The following ATG2B variants were observed in gnomAD, a reference collection of about 807,000 sequenced individuals.
ATG2B encodes the protein autophagy related 2B.
In ATG2B, 121 loss-of-function variants were observed where a neutral mutation model predicts 241.3. That is an observed-to-expected ratio of 0.50 (90% CI 0.43 to 0.58). ATG2B has a LOEUF of 0.58. Ranked by LOEUF, ATG2B falls within the 20% of genes least tolerant of loss-of-function variation. The pLI is 0.00. For missense variants in ATG2B, 2,306 were observed against 2,491.6 expected, an observed-to-expected ratio of 0.93 and a Z score of 1.59; for synonymous variants, 858 against 876.6, an observed-to-expected ratio of 0.98 and a Z score of 0.37.
intron 34 of ATG2B, among the ~76,000 whole-genome samples, chr14:96,297,290 C>G (rs1487355310): frequency 6.7e-6 from 1 of 149,354 alleles, no homozygotes; most frequent in Non-Finnish European, 1.5e-5. Context: ...TCAATTTCCT[C>G]TTTAAAAAAA....
chr14:96,306,588 T>TA (rs140690422), intron 30 of ATG2B, 126 bp downstream of exon 30: 7,618 of 644,406 alleles, frequency 0.012, no homozygotes, highest in South Asian at 0.016. Context: ...AATAGTATAT[T>TA]AAAAAAAAAA....
At chr14:96,349,077 C>T (rs974377114) in intron 1 of ATG2B, among the ~76,000 whole-genome samples, 9 of 152,076 alleles carry the variant, frequency 5.9e-5, no homozygotes, top group Non-Finnish European at 1.2e-4. Context: ...TAGAACCTAA[C>T]CTGCAGATTC....
At chr14:96,312,861 T>C (rs541310206) in intron 25 of ATG2B, among the ~76,000 whole-genome samples, 41 of 152,342 alleles carry the variant, frequency 2.7e-4, no homozygotes, top group Non-Finnish European at 4.7e-4. Flanking sequence ...AATTAATTTC[T>C]TCCCTAAAAA....
intron 32 of ATG2B, 143 bp from the exon 33 acceptor site, chr14:96,303,398 C>T (rs1886849706): frequency 3.4e-6 from 2 of 581,106 alleles, no homozygotes; most frequent in Non-Finnish European, 5.5e-6. Flanking sequence ...AAAAACTCAA[C>T]AACATGACAT....
rs1259202047 is a variant in ATG2B at position 96,289,002 on chromosome 14, AC to A, written c.6006+653del. Among the ~76,000 whole-genome samples, 1 of 152,184 alleles carries A rather than the reference AC, an allele frequency of 6.6e-6. No individual in the cohort carries two copies. Among genetic ancestry groups the A allele is most frequent in the Non-Finnish European group, 1.5e-5 (1 of 68,034 alleles). On this transcript the variant is annotated intron_variant, in intron 41 of 41. Transcript: ENST00000359933. This position sits in a 1 kb window ranked among gnomAD's most constrained non-coding sequence, Gnocchi z 4.3. ...GGGGAAAAATGGAAACTGAATGTCC[AC>A]CAACAGGAAAATAAATAAATTATGA...
At position 96,308,460 on chromosome 14, in the gene ATG2B, CTTTTT is replaced by C. The variant is rs573746586; in HGVS notation, c.4303+988_4303+992del. 4.9e-3 allele frequency among the ~76,000 whole-genome samples: 564 copies of C among 115,610 alleles called. 23 individuals are homozygous for C. The South Asian group carries it at 0.077, about 16-fold the overall frequency. The allele number at this position is 115,610 out of a possible 152,430, so 75.8% of individuals were successfully genotyped here. ...GCCTGCCAACACATCCCACATCTAG[CTTTTT>C]TTTTTTTTTTTTTTAATTGGAGAGA... On this transcript the variant is annotated intron_variant, in intron 29 of 41. Coordinates refer to ENST00000359933, the MANE Select transcript of ATG2B (RefSeq NM_018036.7).
At chr14:96,301,481 C>T (rs990408771) in intron 34 of ATG2B, among the ~76,000 whole-genome samples, 2 of 152,180 alleles carry the variant, frequency 1.3e-5, no homozygotes, top group African/African-American at 4.8e-5. Flanking sequence ...AAAGCAAAGC[C>T]CAGAAGAATT....
At position 96,317,446 on chromosome 14, in the gene ATG2B, ACT is replaced by A. The variant is rs1179575325; in HGVS notation, c.3038-131_3038-130del. ...ATATGGTGTGAACACAGAAATACAT[ACT>A]GTTTTTCTCTTTAGCTTTGAACTTC... On this transcript the variant is annotated intron_variant, in intron 19 of 41. Coordinates refer to ENST00000359933, the MANE Select transcript of ATG2B (RefSeq NM_018036.7). 1.9e-5 allele frequency: 16 copies of A among 823,374 alleles called. No homozygotes were observed. In the East Asian group the frequency reaches 4.0e-4, roughly 21 times the overall value. The allele number at this position is 823,374 out of a possible 1,614,324, so 51.0% of individuals were successfully genotyped here. A position where few individuals can be genotyped will look rare whatever the true frequency, so the allele number is the denominator to read the frequency against.
rs1043003803 is a variant in ATG2B at position 96,362,720 on chromosome 14, G to A, written c.162+95C>T. 6.2e-5 allele frequency: 79 copies of A among 1,265,878 alleles called. 1 individual carries two copies. The highest frequency in any genetic ancestry group is 3.6e-5 in the Non-Finnish European group (33 of 911,206). 78.4% of individuals were successfully genotyped at this position (1,265,878 alleles called of 1,614,324 possible). A position where few individuals can be genotyped will look rare whatever the true frequency, so the allele number is the denominator to read the frequency against. On this transcript the variant is annotated intron_variant, in intron 1 of 41. Coordinates refer to ENST00000359933, the MANE Select transcript of ATG2B (RefSeq NM_018036.7). Reference sequence around the variant, plus strand: ...CACTCGGGTCCAAACAATTCCCAAGGAGGGACTGACTGTCACCAATCTTGG... The same window carrying A: ...CACTCGGGTCCAAACAATTCCCAAGAAGGGACTGACTGTCACCAATCTTGG...
At chr14:96,326,469 T>C (rs1887590496) in intron 14 of ATG2B, among the ~76,000 whole-genome samples, 1 of 152,178 alleles carries the variant, frequency 6.6e-6, no homozygotes, top group African/African-American at 2.4e-5. Flanking sequence ...TCTGAGCTCC[T>C]ATCCAATCCA....
In ATG2B at chr14:96,322,868, T is replaced by C. The variant is rs111235638; in HGVS notation, c.2541-133A>G. 2,337 of 747,368 alleles carry C rather than the reference T, an allele frequency of 3.1e-3. 45 individuals are homozygous for C. In the African/African-American group the frequency reaches 0.037, roughly 12 times the overall value. 46.3% of individuals were successfully genotyped at this position (747,368 alleles called of 1,614,324 possible). ...AATTAAACTTCTCTACAAAGTCTAA[T>C]TATGTCTAAGGTAACCCACTTATGA... On this transcript the variant is annotated intron_variant, in intron 16 of 41. Transcript: ENST00000359933.
In ATG2B at chr14:96,316,057, G is replaced by A. The variant is rs1027948596; in HGVS notation, c.3362-474C>T. Among the ~76,000 whole-genome samples the A allele has an allele frequency of 3.3e-5, 5 of 152,170 alleles. No homozygotes were observed. In the South Asian group the frequency reaches 6.2e-4, roughly 19 times the overall value. ...TACAACTTGGATGAACTTTGAAAGC[G>A]TGTCAAATGAAAGAAGCCAGTCAAA... On this transcript the variant is annotated intron_variant, in intron 21 of 41. Transcript: ENST00000359933.
intron 5 of ATG2B, among the ~76,000 whole-genome samples, chr14:96,342,360 T>C (rs951689922): frequency 1.3e-5 from 2 of 152,092 alleles, no homozygotes; most frequent in African/African-American, 4.8e-5. Context: ...CAAATATTTG[T>C]TTCATGCACA....
In ATG2B at chr14:96,317,255, G is replaced by C; in HGVS notation, c.3100C>G (p.Arg1034Gly). ...TCTAATTTTTTTTTCCTGCGAGAAC[G>C]ATAGTTGGGATCAACAGTGGAAAAA... ...QYFSTVDPNY[R>G]SRRKKKLDSQ... Residue 1034 changes from arginine to glycine, a missense_variant, in exon 20 of 42, where the codon CGT becomes GGT. Transcript: ENST00000359933. 1 of 1,613,660 alleles carries C rather than the reference G, an allele frequency of 6.2e-7. No individual in the cohort carries two copies.
chr14:96,313,722 A>G (rs1887228281), intron 23 of ATG2B, among the ~76,000 whole-genome samples: 1 of 152,306 alleles, frequency 6.6e-6, no homozygotes, highest in African/African-American at 2.4e-5. Flanking sequence ...ATAAAAATAA[A>G]TTTTTTAAAA....
chr14:96,306,580 T>C (rs1240534129), intron 30 of ATG2B, 134 bp downstream of exon 30: 14 of 682,634 alleles, frequency 2.1e-5, no homozygotes, highest in South Asian at 1.1e-4. Context: ...CAACTGTCAA[T>C]AGTATATTAA....
At chr14:96,338,635 C>G (rs540775199) in intron 6 of ATG2B, among the ~76,000 whole-genome samples, 1 of 152,160 alleles carries the variant, frequency 6.6e-6, no homozygotes, top group East Asian at 1.9e-4. Context: ...ATACAAGAAT[C>G]AACTCAAGAT....
At position 96,362,907 on chromosome 14, in the gene ATG2B, G is replaced by C; in HGVS notation, c.70C>G (p.His24Asp). 6.2e-7 allele frequency: 1 copy of C among 1,613,698 alleles called. No homozygotes were observed. Among genetic ancestry groups the C allele is most frequent in the Non-Finnish European group, 8.5e-7 (1 of 1,180,006 alleles). The change falls in exon 1 of 42, where the codon CAC becomes GAC. Residue 24 changes from histidine to aspartate, a missense_variant. This residue lies in a region of ATG2B where 1,927 missense variants were observed against 2,011.2 expected (regional missense o/e 0.96). Coordinates refer to ENST00000359933, the MANE Select transcript of ATG2B (RefSeq NM_018036.7). ...AGGCTCAGCTTCTCCTGCAGAAAGT[G>C]GCCCAGGTACCTCTGCAGGAGGTAC... is the stretch of plus-strand genomic sequence containing the variant. ...CRYLLQRYLG[H>D]FLQEKLSLEQ...
Position 96,343,176 on chromosome 14 carries a change from GAAGA to G in ATG2B, c.683_686del (p.Leu228ProfsTer42). 6.2e-7 allele frequency: 1 copy of G among 1,607,660 alleles called. No homozygotes were observed. Among genetic ancestry groups the G allele is most frequent in the Non-Finnish European group, 8.5e-7 (1 of 1,176,044 alleles). On this transcript the variant is annotated frameshift_variant, in exon 5 of 42. Coordinates refer to ENST00000359933, the MANE Select transcript of ATG2B (RefSeq NM_018036.7). LOFTEE classifies it high-confidence loss of function. ...TGGCTGATGCAGAAAACTCATCCCA[GAAGA>G]GAGACACTCCAGAGAGCTGAAGTAA...
Sources: gnomAD v4.1 joint callset for allele counts (sites outside exome capture counted in the v4.1 genomes callset) on GRCh38, gnomAD v4.1.1 for gene constraint, gnomAD v4.1.1 regional missense constraint, Gnocchi (gnomAD v3.1) non-coding constraint, MANE v1.5 for transcripts, NCBI Gene and HGNC (gene_info 2026-07-23, HGNC 2026-07-21) for gene names.